KANK1: variants seen among roughly 807,000 people sequenced by gnomAD.
KANK1 encodes KN motif and ankyrin repeat domain-containing protein 1.
A neutral mutation model predicts 106.2 loss-of-function variants in KANK1; 109 were observed. The ratio of observed to expected loss-of-function variants is 1.03; its 90% CI spans 0.88 to 1.20. KANK1 has a LOEUF of 1.20. Ranked by LOEUF, KANK1 falls within the 50% of genes most tolerant of loss-of-function variation. The pLI, the probability that KANK1 is intolerant of heterozygous loss-of-function variation, is 0.00. For synonymous variants in KANK1, 873 were observed against 652.2 expected (o/e 1.34, Z -5.16); for missense variants, 2,399 against 1,710.7 (o/e 1.40, Z -7.10).
At chr9:705,979 C>T (rs538767246) in intron 2 of KANK1, among the ~76,000 whole-genome samples, 116 of 152,014 alleles carry the variant, frequency 7.6e-4, no homozygotes, top group Middle Eastern at 3.4e-3. Flanking sequence ...GTGTTTTCGT[C>T]TTGTTAAAGT....
intron 9 of KANK1, among the ~76,000 whole-genome samples, 190 bp from the exon 10 acceptor site, chr9:742,015 C>T (rs1039887871): frequency 6.6e-6 from 1 of 152,188 alleles, no homozygotes; most frequent in Non-Finnish European, 1.5e-5. Flanking sequence ...ACTTTATGCC[C>T]TTCCTTTGCT....
chr9:707,508 TTC>T (rs1489049904), intron 2 of KANK1, among the ~76,000 whole-genome samples: 1 of 145,156 alleles, frequency 6.9e-6, no homozygotes, highest in Non-Finnish European at 1.5e-5. Context: ...CTGCTGCAGC[TTC>T]TCTCCTGTTA....
chr9:730,108 G>A lies in KANK1; in HGVS notation c.2756G>A (p.Ser919Asn), dbSNP rs1387884923. Residue 919 changes from serine (S) to asparagine (N), a missense_variant, in exon 4 of 12, where the codon AGC (serine) becomes AAC (asparagine). Ser to Asn is a conservative substitution (Grantham distance 46). Coordinates refer to ENST00000382297, the MANE Select transcript of KANK1 (RefSeq NM_015158.5). ...CGGLQSGSPL[S>N]SQTSQPEQEV... ...GGCCTTCAGTCAGGAAGTCCCTTAAGCTCCCAGACATCCCAGCCTGAGCAA... is the reference window on the plus strand; with the variant it reads ...GGCCTTCAGTCAGGAAGTCCCTTAAACTCCCAGACATCCCAGCCTGAGCAA... 6 of 1,614,174 alleles carry A rather than the reference G, an allele frequency of 3.7e-6. No individual in the cohort carries two copies. Among genetic ancestry groups the A allele is most frequent in the South Asian group, 3.3e-5 (3 of 91,086 alleles).
chr9:627,473 AT>A (rs1414872927), intron 1 of KANK1, among the ~76,000 whole-genome samples: 2 of 152,088 alleles, frequency 1.3e-5, no homozygotes, highest in African/African-American at 4.8e-5. Context: ...GGTAAGCTTG[AT>A]TATCAGGATA....
intron 1 of KANK1, among the ~76,000 whole-genome samples, chr9:636,163 G>T (rs897217107): frequency 6.6e-6 from 1 of 152,158 alleles, no homozygotes; most frequent in Non-Finnish European, 1.5e-5. Flanking sequence ...GTTGGCCTGG[G>T]TTAGGGCCTA....
intron 1 of KANK1, among the ~76,000 whole-genome samples, chr9:639,608 C>T (rs1032606271): frequency 1.3e-5 from 2 of 152,126 alleles, no homozygotes; most frequent in African/African-American, 4.8e-5. Context: ...CGAGCCACTG[C>T]GCCTGGCCTG....
chr9:475,805 G>A (rs974348273), intron 3 of KANK1, among the ~76,000 whole-genome samples: 3 of 151,910 alleles, frequency 2.0e-5, no homozygotes, highest in African/African-American at 4.8e-5. Context: ...TCTTCCAGGC[G>A]CTCCCATCTG....
At chr9:636,689 A>T (rs998974560) in intron 1 of KANK1, among the ~76,000 whole-genome samples, 3 of 152,152 alleles carry the variant, frequency 2.0e-5, no homozygotes, top group Non-Finnish European at 2.9e-5. Flanking sequence ...AACATAATGA[A>T]ACCCCATATC....
In KANK1 at chr9:711,875, T is replaced by C; in HGVS notation, c.1109T>C (p.Leu370Pro). 1 of 1,614,136 alleles carries C rather than the reference T, an allele frequency of 6.2e-7. No individual in the cohort carries two copies. The highest frequency in any genetic ancestry group is 8.5e-7 in the Non-Finnish European group (1 of 1,180,018). Residue 370 changes from leucine (L) to proline (P), a missense_variant, in exon 3 of 12, where the codon CTT (leucine) becomes CCT (proline). Coordinates refer to ENST00000382297, the MANE Select transcript of KANK1 (RefSeq NM_015158.5). Reference protein sequence around the residue: ...STQRIKEFRQLTADMQALEQK... With the variant: ...STQRIKEFRQPTADMQALEQK... ...CAGAGGATAAAGGAGTTCCGGCAAC[T>C]TACAGCAGACATGCAAGCCCTGGAG...
intron 1 of KANK1, among the ~76,000 whole-genome samples, chr9:554,905 A>G (rs1169935885): frequency 6.6e-6 from 1 of 152,234 alleles, no homozygotes; most frequent in Non-Finnish European, 1.5e-5. Context: ...AGCTGCAAGC[A>G]CCATGGGCAA....
At chr9:473,085 A>G (rs1007492033) in intron 2 of KANK1, 1 of 152,230 alleles carries the variant, frequency 6.6e-6, no homozygotes, top group Non-Finnish European at 1.5e-5. Flanking sequence ...CATGAAGAAT[A>G]AGAGTTTGCA....
At position 719,540 on chromosome 9, in the gene KANK1, T is replaced by A. The variant is rs1490197765; in HGVS notation, c.2698+6076T>A. Reference sequence around the variant, plus strand: ...TTGGCACTATCAATACAAATGTAGATCAGCATACCAGAACAGTTGGAATAG... The same window carrying A: ...TTGGCACTATCAATACAAATGTAGAACAGCATACCAGAACAGTTGGAATAG... On this transcript the variant is annotated intron_variant, in intron 3 of 11. Coordinates refer to ENST00000382297, the MANE Select transcript of KANK1 (RefSeq NM_015158.5). 7.9e-5 allele frequency among the ~76,000 whole-genome samples: 12 copies of A among 152,334 alleles called. No individual in the cohort carries two copies. The South Asian group carries it at 2.5e-3, about 32-fold the overall frequency.
At chr9:493,856 T>A (rs2058416810) in intron 3 of KANK1, among the ~76,000 whole-genome samples, 1 of 148,652 alleles carries the variant, frequency 6.7e-6, no homozygotes, top group Non-Finnish European at 1.5e-5. Context: ...CGGCAATTTA[T>A]GTAGCAATAA....
At chr9:678,726 A>T (rs1229545322) in intron 2 of KANK1, among the ~76,000 whole-genome samples, 1 of 152,168 alleles carries the variant, frequency 6.6e-6, no homozygotes, top group African/African-American at 2.4e-5. Flanking sequence ...ACTCCATATC[A>T]AAAAATAAAA....
chr9:739,479 G>A (rs1834768470), intron 8 of KANK1, among the ~76,000 whole-genome samples: 1 of 152,162 alleles, frequency 6.6e-6, no homozygotes, highest in Admixed American at 6.5e-5. Flanking sequence ...AAGTGTGTTT[G>A]TTCCCTCTTT....
intron 1 of KANK1, among the ~76,000 whole-genome samples, chr9:529,767 A>G (rs940339840): frequency 4.6e-5 from 7 of 152,210 alleles, no homozygotes; most frequent in African/African-American, 1.7e-4. Context: ...TACGTGTATT[A>G]TGCTCACACG....
At chr9:730,590 G>A (rs1286259099) in intron 4 of KANK1, 6 of 309,260 alleles carry the variant, frequency 1.9e-5, no homozygotes, top group East Asian at 1.9e-4. Context: ...CTACTCCGGC[G>A]GCTGAGGTGG....
At chr9:732,667 T>C (rs766737020) in intron 6 of KANK1, 50 bp downstream of exon 6, 1 of 1,591,990 alleles carries the variant, frequency 6.3e-7, no homozygotes. Context: ...TTTAATGTAC[T>C]TTGGCAATAG....
intron 1 of KANK1, among the ~76,000 whole-genome samples, chr9:611,391 T>C (rs1403320356): frequency 6.6e-6 from 1 of 152,148 alleles, no homozygotes; most frequent in African/African-American, 2.4e-5. Context: ...GTGTAGGACA[T>C]AGAAAAAAGT....
Sources: gnomAD v4.1 joint callset for allele counts (sites outside exome capture counted in the v4.1 genomes callset) on GRCh38, gnomAD v4.1.1 for gene constraint, MANE v1.5 for transcripts, NCBI Gene and HGNC (gene_info 2026-07-23, HGNC 2026-07-21) for gene names.